The following FOXD4 variants were observed in gnomAD, a reference collection of about 807,000 sequenced individuals.
FOXD4 encodes the protein forkhead box protein D4.
FOXD4 carries 22 observed loss-of-function variants against 26.5 expected under a neutral mutation model. That is an observed-to-expected ratio of 0.83 (90% CI 0.59 to 1.18). FOXD4 has a LOEUF of 1.18. Among genes scored for constraint, FOXD4 ranks in the 50% most tolerant of loss-of-function variants. The pLI is 0.00. For missense variants in FOXD4, 625 were observed against 605.8 expected (o/e 1.03, Z -0.33); for synonymous variants, 258 against 273.7 (o/e 0.94, Z 0.57).
rs753731523 is a variant in FOXD4, at chr9:117,449, A to C, written c.671T>G (p.Leu224Arg). The C allele has an allele frequency of 8.2e-6, 13 of 1,594,748 alleles. No individual in the cohort carries two copies. The highest frequency in any genetic ancestry group is 1.0e-5 in the Non-Finnish European group (12 of 1,175,822). The change falls in exon 1 of 1, where the codon CTG becomes CGG. Residue 224 changes from leucine to arginine, a missense_variant. By Grantham distance (102) the Leu-to-Arg change is moderately radical (BLOSUM62 -2). Coordinates refer to ENST00000382500, the MANE Select transcript of FOXD4 (RefSeq NM_207305.5). ...CAGAGGGCCTGGGCGGGGGTTGTGC[A>C]GGGCGGCGTGTGCAGCAGGTAGAGG... The part of the protein sequence containing the change: ...PFPLPAAHAA[L>R]HNPRPGPLLG...
rs1420175808 is a variant in FOXD4, at chr9:117,660, G to T, written c.460C>A (p.His154Asn). Residue 154 changes from histidine to asparagine, a missense_variant, in exon 1 of 1, where the codon CAC (histidine) becomes AAC (asparagine). This residue lies in a region of FOXD4 where 399 missense variants were observed against 329.4 expected (regional missense o/e 1.21). Transcript: ENST00000382500. ...AAGCAGTCGTTCAGCGAGAGGTTGT[G>T]GCGGATGCTGTTCTGCCAGGCGGGG... ...KFPAWQNSIRHNLSLNDCFVK... is the reference protein window; with the variant it reads ...KFPAWQNSIRNNLSLNDCFVK... 6.2e-7 allele frequency: 1 copy of T among 1,613,586 alleles called. No homozygotes were observed. Among genetic ancestry groups the T allele is most frequent in the Non-Finnish European group, 8.5e-7 (1 of 1,179,974 alleles).
Position 118,200 on chromosome 9 carries a change from G to T in FOXD4, c.-81C>A. 6.2e-6 allele frequency: 10 copies of T among 1,610,448 alleles called. 1 individual carries two copies. In the South Asian group the frequency reaches 1.1e-4, roughly 18 times the overall value. On this transcript the variant is annotated 5_prime_UTR_variant, in exon 1 of 1. Coordinates refer to ENST00000382500, the MANE Select transcript of FOXD4 (RefSeq NM_207305.5). ...GCGGGCTGAGCTGGAAGCCCGGGAT[G>T]AATGTTGCAAGAAGCAGGAACGCTA...
rs556292384 is a variant in FOXD4, at chr9:117,684, G to A, written c.436C>T (p.Pro146Ser). The A allele has an allele frequency of 6.2e-7, 1 of 1,613,092 alleles. No homozygotes were observed. The highest frequency in any genetic ancestry group is 8.5e-7 in the Non-Finnish European group (1 of 1,179,812). ...TGGCGGATGCTGTTCTGCCAGGCGG[G>A]GAACTTGCGGCGGTAGTAGGGGAAG... ...DRFPYYRRKF[P>S]AWQNSIRHNL... is the part of the protein sequence containing the mutation. Residue 146 changes from proline to serine, a missense_variant, in exon 1 of 1, where the codon CCC becomes TCC. This residue lies in a region of FOXD4 where 399 missense variants were observed against 329.4 expected (regional missense o/e 1.21). Coordinates refer to ENST00000382500, the MANE Select transcript of FOXD4 (RefSeq NM_207305.5).
rs746871961 is a variant in FOXD4 at position 116,760 on chromosome 9, G to A, written c.*40C>T. Reference sequence around the variant, plus strand: ...CGCCCAGTATGGGCCGCGCAAGGTGGAGTGAGCAGCTGCGGGTCGCTCCCC... The same window carrying A: ...CGCCCAGTATGGGCCGCGCAAGGTGAAGTGAGCAGCTGCGGGTCGCTCCCC... On this transcript the variant is annotated 3_prime_UTR_variant, in exon 1 of 1. Transcript: ENST00000382500. 1.9e-6 allele frequency: 3 copies of A among 1,556,040 alleles called. No individual in the cohort carries two copies. Among genetic ancestry groups the A allele is most frequent in the East Asian group, 2.2e-5 (1 of 44,498 alleles).
In FOXD4 at chr9:116,828, G is replaced by A. The variant is rs267602076; in HGVS notation, c.1292C>T (p.Ser431Phe). 1.8e-5 allele frequency: 29 copies of A among 1,604,870 alleles called. No homozygotes were observed. Among genetic ancestry groups the A allele is most frequent in the Middle Eastern group, 2.3e-4 (1 of 4,428 alleles). ...PVFLVSPTPS[S>F]LAESAGPS ...GGAGGGCCCTGCGGACTCGGCCAGG[G>A]AACTGGGCGTGGGCGATACTAAAAA... Residue 431 changes from serine (S) to phenylalanine (F), a missense_variant, in exon 1 of 1, where the codon TCC becomes TTC. Ser to Phe is a radical substitution (Grantham distance 155). Transcript: ENST00000382500.
In FOXD4 at chr9:117,367, G is replaced by C. The variant is rs201303152; in HGVS notation, c.753C>G (p.Pro251=). ...PVPGAYPNTG[P]GRRPYALLHP... Reference sequence around the variant, plus strand: ...GCAGCAGAGCGTAAGGGCGTCTCCCGGGGCCGGTGTTGGGGTAGGCCCCCG... The same window carrying C: ...GCAGCAGAGCGTAAGGGCGTCTCCCCGGGCCGGTGTTGGGGTAGGCCCCCG... The change falls in exon 1 of 1, where the codon CCC becomes CCG. Residue 251 remains proline, a synonymous_variant. Transcript: ENST00000382500. 173 of 1,469,892 alleles carry C rather than the reference G, an allele frequency of 1.2e-4. No individual in the cohort carries two copies. The highest frequency in any genetic ancestry group is 3.3e-4 in the South Asian group (29 of 87,880). The allele number at this position is 1,469,892 out of a possible 1,614,324, so 91.1% of individuals were successfully genotyped here. A position where few individuals can be genotyped will look rare whatever the true frequency, so the allele number is the denominator to read the frequency against.
In FOXD4 at chr9:116,625, A is replaced by C. The variant is rs1819362193; in HGVS notation, c.*175T>G. The C allele has an allele frequency of 9.0e-7, 1 of 1,115,472 alleles. No individual in the cohort carries two copies. The highest frequency in any genetic ancestry group is 2.5e-5 in the East Asian group (1 of 40,808). The allele number at this position is 1,115,472 out of a possible 1,614,324, so 69.1% of individuals were successfully genotyped here. On this transcript the variant is annotated 3_prime_UTR_variant, in exon 1 of 1. Transcript: ENST00000382500. ...AGAAAAGATGACTTGACGCCCTGCG[A>C]AGGTTACGTTCAGGTGGTTTTTAGA...
Position 117,555 on chromosome 9 carries a change from C to G in FOXD4, c.565G>C (p.Asp189His), listed in dbSNP as rs762831943. 2 of 1,613,208 alleles carry G rather than the reference C, an allele frequency of 1.2e-6. No individual in the cohort carries two copies. Among genetic ancestry groups the G allele is most frequent in the Admixed American group, 3.3e-5 (2 of 60,030 alleles). The change falls in exon 1 of 1, where the codon GAC becomes CAC. Residue 189 changes from aspartate to histidine, a missense_variant. Coordinates refer to ENST00000382500, the MANE Select transcript of FOXD4 (RefSeq NM_207305.5). ...SLDPASQDMF[D>H]NGSFLRRRKR... ...CTACGCCGGAGAAAGCTGCCATTGT[C>G]GAACATGTCCTGGGAGGCGGGGTCC...
In FOXD4 at chr9:116,466, T is replaced by G; in HGVS notation, c.*334A>C. 2.2e-6 allele frequency: 1 copy of G among 451,332 alleles called. No homozygotes were observed. Among genetic ancestry groups the G allele is most frequent in the Non-Finnish European group, 4.1e-6 (1 of 242,814 alleles). The allele number at this position is 451,332 out of a possible 1,614,324, so 28.0% of individuals were successfully genotyped here. A position where few individuals can be genotyped will look rare whatever the true frequency, so the allele number is the denominator to read the frequency against. On this transcript the variant is annotated 3_prime_UTR_variant, in exon 1 of 1. Transcript: ENST00000382500. ...AGGAAGTGAAGAAGGGGGAACATGT[T>G]TGGCATCGGAGGCTGTGTTTTTGTT...
At position 117,883 on chromosome 9, in the gene FOXD4, G is replaced by A. The variant is rs142047806; in HGVS notation, c.237C>T (p.Pro79=). Residue 79 remains proline (P), a synonymous_variant, in exon 1 of 1, where the codon CCC becomes CCT. Coordinates refer to ENST00000382500, the MANE Select transcript of FOXD4 (RefSeq NM_207305.5). The part of the protein sequence containing the change: ...HIEGGGGPSD[P]SEFGTEFRAP... ...CCCTGAACTCGGTGCCAAACTCTGAGGGGTCGCTCGGGCCGCCGCCGCCCT... is the reference window on the plus strand; with the variant it reads ...CCCTGAACTCGGTGCCAAACTCTGAAGGGTCGCTCGGGCCGCCGCCGCCCT... 3,348 of 1,611,846 alleles carry A rather than the reference G, an allele frequency of 2.1e-3. 50 individuals are homozygous for A. In the African/African-American group the frequency reaches 0.039, roughly 19 times the overall value.
rs1346445572 is a variant in FOXD4, at chr9:117,215, C to T, written c.905G>A (p.Ser302Asn). 3.1e-6 allele frequency: 5 copies of T among 1,610,110 alleles called. No individual in the cohort carries two copies. The South Asian group carries it at 4.4e-5, about 14-fold the overall frequency. Residue 302 changes from serine to asparagine, a missense_variant, in exon 1 of 1, where the codon AGC becomes AAC. By Grantham distance (46) the Ser-to-Asn change is conservative. Transcript: ENST00000382500. ...FPCCSPHLVL[S>N]LGRRARVWRR... is the part of the protein sequence containing the mutation. ...CCAGACCCTTGCCCTCCTCCCAAGG[C>T]TGAGGACCAAGTGAGGGCTGCAGCA... is the stretch of plus-strand genomic sequence containing the variant.
Position 116,763 on chromosome 9 carries a change from T to G in FOXD4, c.*37A>C. 1 of 1,556,724 alleles carries G rather than the reference T, an allele frequency of 6.4e-7. No homozygotes were observed. The highest frequency in any genetic ancestry group is 2.2e-5 in the East Asian group (1 of 44,472). On this transcript the variant is annotated 3_prime_UTR_variant, in exon 1 of 1. Transcript: ENST00000382500. ...CCAGTATGGGCCGCGCAAGGTGGAG[T>G]GAGCAGCTGCGGGTCGCTCCCCACT...
In FOXD4 at chr9:117,475, G is replaced by C. The variant is rs1819395359; in HGVS notation, c.645C>G (p.Phe215Leu). Reference protein sequence around the residue: ...PTPGAHLPHPFPLPAAHAALH... With the variant: ...PTPGAHLPHPLPLPAAHAALH... ...GGGCGGCGTGTGCAGCAGGTAGAGGGAAGGGGTGGGGCAGGTGGGCTCCCG... is the reference window on the plus strand; with the variant it reads ...GGGCGGCGTGTGCAGCAGGTAGAGGCAAGGGGTGGGGCAGGTGGGCTCCCG... The change falls in exon 1 of 1, where the codon TTC becomes TTG. Residue 215 changes from phenylalanine (F) to leucine (L), a missense_variant. Around this residue, in one of 3 missense-constraint regions of FOXD4, gnomAD observed 399 missense variants for 329.4 expected, o/e 1.21. Coordinates refer to ENST00000382500, the MANE Select transcript of FOXD4 (RefSeq NM_207305.5). The C allele has an allele frequency of 6.2e-7, 1 of 1,607,630 alleles. No individual in the cohort carries two copies.
chr9:117,503 G>T lies in FOXD4; in HGVS notation c.617C>A (p.Thr206Asn). 6.2e-7 allele frequency: 1 copy of T among 1,611,338 alleles called. No homozygotes were observed. Among genetic ancestry groups the T allele is most frequent in the South Asian group, 1.1e-5 (1 of 91,000 alleles). ...GGGGTGGGGCAGGTGGGCTCCCGGG[G>T]TCGGTTGGTGGCGCTGGAAACGCTT... ...RRKRFQRHQP[T>N]PGAHLPHPFP... Residue 206 changes from threonine to asparagine, a missense_variant, in exon 1 of 1, where the codon ACC (threonine) becomes AAC (asparagine). Coordinates refer to ENST00000382500, the MANE Select transcript of FOXD4 (RefSeq NM_207305.5).
Position 117,659 on chromosome 9 carries a change from T to C in FOXD4, c.461A>G (p.His154Arg), listed in dbSNP as rs779662834. 46 of 1,613,644 alleles carry C rather than the reference T, an allele frequency of 2.9e-5. No individual in the cohort carries two copies. Among genetic ancestry groups the C allele is most frequent in the Non-Finnish European group, 3.9e-5 (46 of 1,179,932 alleles). ...KFPAWQNSIRHNLSLNDCFVK... is the reference protein window; with the variant it reads ...KFPAWQNSIRRNLSLNDCFVK... ...GAAGCAGTCGTTCAGCGAGAGGTTGTGGCGGATGCTGTTCTGCCAGGCGGG... is the reference window on the plus strand; with the variant it reads ...GAAGCAGTCGTTCAGCGAGAGGTTGCGGCGGATGCTGTTCTGCCAGGCGGG... Residue 154 changes from histidine (H) to arginine (R), a missense_variant, in exon 1 of 1, where the codon CAC becomes CGC. By Grantham distance (29) the His-to-Arg change is conservative (BLOSUM62 0). Transcript: ENST00000382500.
rs1392050847 is a variant in FOXD4, at chr9:116,252, T to C, written c.*548A>G. 2 of 174,088 alleles carry C rather than the reference T, an allele frequency of 1.1e-5. No individual in the cohort carries two copies. Among genetic ancestry groups the C allele is most frequent in the Non-Finnish European group, 2.8e-5 (2 of 71,942 alleles). 10.8% of individuals were successfully genotyped at this position (174,088 alleles called of 1,614,324 possible). Reference sequence around the variant, plus strand: ...GATGTAGTGTAGTGACTTAGCATTTTATTTCGTCTATATAACTAGGCTTAA... The same window carrying C: ...GATGTAGTGTAGTGACTTAGCATTTCATTTCGTCTATATAACTAGGCTTAA... On this transcript the variant is annotated 3_prime_UTR_variant, in exon 1 of 1. Transcript: ENST00000382500.
chr9:117,322 G>T, the FOXD4 span: 1 of 1,599,158 alleles, frequency 6.3e-7, no homozygotes, highest in Non-Finnish European at 8.5e-7. Flanking sequence ...AGAGCAGTAG[G>T]TAGCGAGGAG....
At position 116,730 on chromosome 9, in the gene FOXD4, G is replaced by A. The variant is rs1819365375; in HGVS notation, c.*70C>T. The A allele has an allele frequency of 6.6e-7, 1 of 1,523,692 alleles. No homozygotes were observed. The highest frequency in any genetic ancestry group is 8.8e-7 in the Non-Finnish European group (1 of 1,138,652). 94.4% of individuals were successfully genotyped at this position (1,523,692 alleles called of 1,614,324 possible). On this transcript the variant is annotated 3_prime_UTR_variant, in exon 1 of 1. Transcript: ENST00000382500. The stretch of plus-strand genomic sequence containing the variant: ...GTTTGCTCTCCAGCGGGATTCAGAT[G>A]CACACGCCCAGTATGGGCCGCGCAA...
Position 118,030 on chromosome 9 carries a change from C to A in FOXD4, c.90G>T (p.Leu30=). The change falls in exon 1 of 1, where the codon CTG becomes CTT. Residue 30 remains leucine (L), a synonymous_variant. Transcript: ENST00000382500. ...CCTCGTCTTCATCTTCCTCCTCTCC[C>A]AGGACATCGATTTTACCGTCTTCCC... ...SDGEDGKIDV[L]GEEEDEDEEE... The A allele has an allele frequency of 6.2e-7, 1 of 1,612,000 alleles. No homozygotes were observed. The highest frequency in any genetic ancestry group is 8.5e-7 in the Non-Finnish European group (1 of 1,179,844).
Sources: gnomAD v4.1 joint callset for allele counts on GRCh38, gnomAD v4.1.1 for gene constraint, gnomAD v4.1.1 regional missense constraint, MANE v1.5 for transcripts, NCBI Gene and HGNC (gene_info 2026-07-23, HGNC 2026-07-21) for gene names.